The following SLC39A10 variants were observed in gnomAD, a reference collection of about 807,000 sequenced individuals.
The protein encoded by SLC39A10 is zinc transporter ZIP10.
Under a neutral mutation model 65.1 loss-of-function variants are expected in SLC39A10, and 13 were observed. That is an observed-to-expected ratio of 0.20 (90% confidence interval 0.13 to 0.32). The LOEUF is 0.32. Among genes scored for constraint, SLC39A10 ranks in the 10% least tolerant of loss-of-function variants. SLC39A10 has a pLI of 1.00. For synonymous variants in SLC39A10, 321 were observed against 342.2 expected (o/e 0.94, Z 0.68); for missense variants, 831 against 1,018.4 (o/e 0.82, Z 2.50).
chr2:195,667,324 GA>G (rs531937500), intron 1 of SLC39A10, among the ~76,000 whole-genome samples: 246 of 152,320 alleles, frequency 1.6e-3, no homozygotes, highest in African/African-American at 5.6e-3. Flanking sequence ...GAAGCTGTAA[GA>G]GGATTTTGTG....
rs1038802245 is a variant in SLC39A10, at chr2:195,706,558, G to C, written c.1217-58G>C. The C allele has an allele frequency of 3.8e-5, 55 of 1,435,472 alleles. No homozygotes were observed. In the African/African-American group the frequency reaches 7.9e-4, roughly 21 times the overall value. The allele number at this position is 1,435,472 out of a possible 1,614,324, so 88.9% of individuals were successfully genotyped here. On this transcript the variant is annotated intron_variant, in intron 3 of 9. Coordinates refer to ENST00000359634, the MANE Select transcript of SLC39A10 (RefSeq NM_020342.3). ...TTTATCTTATATTTTTATTCTTTTTGGTAGTCTGTTGGTTTAAATTGTTAT... is the reference window on the plus strand; with the variant it reads ...TTTATCTTATATTTTTATTCTTTTTCGTAGTCTGTTGGTTTAAATTGTTAT...
chr2:195,684,333 A>G (rs780880896), intron 3 of SLC39A10, among the ~76,000 whole-genome samples: 2 of 152,050 alleles, frequency 1.3e-5, no homozygotes. Context: ...CTGTGTGTAA[A>G]CTCCAGGAAT....
Position 195,646,923 on chromosome 2 carries a change from A to G in SLC39A10, c.-11-33109A>G, listed in dbSNP as rs141719684. On this transcript the variant is annotated intron_variant, in intron 2 of 2. Transcript: ENST00000458054. ...CTGTGGAAAAAGTGTCTTCTAGGAG[A>G]CTGGTCCCTGGCGCCAAAAAGGTTG... 5.3e-5 allele frequency among the ~76,000 whole-genome samples: 8 copies of G among 152,200 alleles called. No individual in the cohort carries two copies. The East Asian group carries it at 1.5e-3, about 29-fold the overall frequency.
intron 8 of SLC39A10, among the ~76,000 whole-genome samples, chr2:195,720,070 A>G (rs377759139): frequency 3.4e-4 from 51 of 151,108 alleles, no homozygotes; most frequent in African/African-American, 1.1e-3. Flanking sequence ...GATTACAGGC[A>G]TGAGCCACTG....
At chr2:195,705,475 G>A (rs910699997) in intron 3 of SLC39A10, among the ~76,000 whole-genome samples, 4 of 152,150 alleles carry the variant, frequency 2.6e-5, no homozygotes, top group Non-Finnish European at 4.4e-5. Flanking sequence ...GGATAAAACA[G>A]TTTTATTGAT....
chr2:195,627,926 G>A (rs995475662), intron 2 of SLC39A10, among the ~76,000 whole-genome samples: 1 of 152,144 alleles, frequency 6.6e-6, no homozygotes, highest in Non-Finnish European at 1.5e-5. Context: ...TCTTTAAAGA[G>A]ACATTAAAAT....
rs112362626 is a variant in SLC39A10, at chr2:195,722,519, C to T, written c.2146+4187C>T. ...AAGGGCACTTTTTGTACAATAGGAC[C>T]AGGTCAGTGTCCCTACTCTGATCAG... On this transcript the variant is annotated intron_variant, in intron 8 of 9. Coordinates refer to ENST00000359634, the MANE Select transcript of SLC39A10 (RefSeq NM_020342.3). Among the ~76,000 whole-genome samples the T allele has an allele frequency of 4.9e-3, 753 of 152,316 alleles. 6 individuals are homozygous for T. Among genetic ancestry groups the T allele is most frequent in the Middle Eastern group, 0.01 (3 of 294 alleles).
intron 2 of SLC39A10, among the ~76,000 whole-genome samples, chr2:195,628,893 C>A (rs1038651585): frequency 1.3e-5 from 2 of 152,220 alleles, no homozygotes; most frequent in African/African-American, 4.8e-5. Context: ...ATTCAGACTT[C>A]TCTTCAGAGC....
At chr2:195,618,355 A>AAAAAAAAG (rs1309912311) in intron 2 of SLC39A10, among the ~76,000 whole-genome samples, 3 of 147,290 alleles carry the variant, frequency 2.0e-5, no homozygotes, top group African/African-American at 7.4e-5. Context: ...CGTCTCACCA[A>AAAAAAAAG]AAAAAAAAAA....
rs1692322814 is a variant in SLC39A10 at position 195,728,460 on chromosome 2, A to G, written c.2337+111A>G. 1.0e-6 allele frequency: 1 copy of G among 1,001,228 alleles called. No individual in the cohort carries two copies. The highest frequency in any genetic ancestry group is 1.4e-6 in the Non-Finnish European group (1 of 691,078). 62.0% of individuals were successfully genotyped at this position (1,001,228 alleles called of 1,614,324 possible). A position where few individuals can be genotyped will look rare whatever the true frequency, so the allele number is the denominator to read the frequency against. ...AAATATAACTCATTTTAAAGACATAATATCCTAAATAATCTCTTAAGGAAG... is the reference window on the plus strand; with the variant it reads ...AAATATAACTCATTTTAAAGACATAGTATCCTAAATAATCTCTTAAGGAAG... On this transcript the variant is annotated intron_variant, in intron 9 of 9. Transcript: ENST00000359634. The surrounding 1 kb of genome is among the most constrained non-coding windows in gnomAD (Gnocchi z 4.4).
chr2:195,615,211 TATC>T (rs557690533), intron 2 of SLC39A10, among the ~76,000 whole-genome samples: 18 of 152,338 alleles, frequency 1.2e-4, no homozygotes, highest in Non-Finnish European at 1.9e-4. Flanking sequence ...TCACTGGAGA[TATC>T]ATCACAATGC....
At chr2:195,615,568 G>C (rs921385132) in intron 2 of SLC39A10, among the ~76,000 whole-genome samples, 2 of 152,168 alleles carry the variant, frequency 1.3e-5, no homozygotes, top group Non-Finnish European at 2.9e-5. Flanking sequence ...CCTGAGTACG[G>C]GGACTTTTTA....
intron 2 of SLC39A10, among the ~76,000 whole-genome samples, chr2:195,614,502 G>A (rs756286859): frequency 6.6e-6 from 1 of 152,066 alleles, no homozygotes; most frequent in African/African-American, 2.4e-5. Context: ...ATCTGGTAGC[G>A]CTCCACAACC....
At chr2:195,725,223 G>A (rs1692192127) in intron 8 of SLC39A10, among the ~76,000 whole-genome samples, 1 of 152,076 alleles carries the variant, frequency 6.6e-6, no homozygotes, top group Non-Finnish European at 1.5e-5. Context: ...GTTAGGCAAA[G>A]TATTCTTAGA....
chr2:195,700,010 A>C (rs1691115230), intron 3 of SLC39A10, among the ~76,000 whole-genome samples: 1 of 152,098 alleles, frequency 6.6e-6, no homozygotes, highest in African/African-American at 2.4e-5. Context: ...TTGATTTAAA[A>C]GTCTAGTTTG....
intron 2 of SLC39A10, among the ~76,000 whole-genome samples, chr2:195,627,201 C>T (rs955367343): frequency 1.4e-4 from 22 of 152,048 alleles, no homozygotes; most frequent in Non-Finnish European, 3.2e-4. Context: ...GAGTTTAGTC[C>T]TGAGCCATTT....
chr2:195,672,257 A>G (rs1689892744), intron 1 of SLC39A10, among the ~76,000 whole-genome samples: 1 of 152,042 alleles, frequency 6.6e-6, no homozygotes, highest in African/African-American at 2.4e-5. Flanking sequence ...TAGCCTGTTA[A>G]GTAGCTGGGA....
chr2:195,712,879 A>G (rs1426578781), intron 5 of SLC39A10, among the ~76,000 whole-genome samples: 2 of 152,238 alleles, frequency 1.3e-5, no homozygotes, highest in East Asian at 3.8e-4. Context: ...AGGTCCTTTC[A>G]TACATCACCT....
chr2:195,658,965 T>C (rs1162546227), intron 1 of SLC39A10, among the ~76,000 whole-genome samples: 1 of 152,220 alleles, frequency 6.6e-6, no homozygotes, highest in Non-Finnish European at 1.5e-5. Context: ...ATAATGAAGA[T>C]ATTAAATATG....
Sources: gnomAD v4.1 joint callset for allele counts (sites outside exome capture counted in the v4.1 genomes callset) on GRCh38, gnomAD v4.1.1 for gene constraint, Gnocchi (gnomAD v3.1) non-coding constraint, MANE v1.5 for transcripts, NCBI Gene and HGNC (gene_info 2026-07-23, HGNC 2026-07-21) for gene names.